Variants in ARHGEF7 observed in about 807,000 individuals in gnomAD.
The protein encoded by ARHGEF7 is PAK-interacting exchange factor beta.
ARHGEF7 carries 33 observed loss-of-function variants against 109.8 expected under a neutral mutation model. That is an observed-to-expected ratio of 0.30 (90% CI 0.23 to 0.40). ARHGEF7 has a LOEUF of 0.40. Among genes scored for constraint, ARHGEF7 ranks in the 10% least tolerant of loss-of-function variants. The pLI is 1.00. For missense variants in ARHGEF7, 938 were observed against 1,098.5 expected (o/e 0.85, Z 2.07); for synonymous variants, 458 against 424.6 (o/e 1.08, Z -0.97).
At chr13:111,289,780 A>G (rs1036972063) in intron 18 of ARHGEF7, among the ~76,000 whole-genome samples, 1 of 138,022 alleles carries the variant, frequency 7.2e-6, no homozygotes, top group Non-Finnish European at 1.6e-5. Flanking sequence ...CGGAATCTCG[A>G]TTATCCAGAA....
chr13:111,137,700 TG>T lies in ARHGEF7; in HGVS notation c.166-16204del, dbSNP rs772249280. On this transcript the variant is annotated intron_variant, in intron 1 of 21. Transcript: ENST00000646102. ...TAATTTTTTAAAATAAAAAAGAATA[TG>T]TTTTTTTTTCATACAACAGAAGAGA... Among the ~76,000 whole-genome samples the T allele has an allele frequency of 4.0e-4, 61 of 152,244 alleles. No individual in the cohort carries two copies. In the Middle Eastern group the frequency reaches 0.01, roughly 25 times the overall value.
chr13:111,116,350 C>G (rs2153302798), intron 1 of ARHGEF7: 1 of 152,852 alleles, frequency 6.5e-6, no homozygotes, highest in Non-Finnish European at 1.5e-5. Flanking sequence ...TGAACAGAAC[C>G]TTTAGTCCTG....
chr13:111,243,945 G>T lies in ARHGEF7; in HGVS notation c.833G>T (p.Arg278Leu). 1.2e-6 allele frequency: 2 copies of T among 1,612,680 alleles called. No individual in the cohort carries two copies. The highest frequency in any genetic ancestry group is 1.7e-6 in the Non-Finnish European group (2 of 1,178,964). Residue 278 changes from arginine to leucine, a missense_variant, in exon 7 of 22, where the codon CGG becomes CTG. Coordinates refer to ENST00000646102, the MANE Select transcript of ARHGEF7 (RefSeq NM_001354046.2). ...CAGACTGTGCTTTCAACGTACCTAC[G>T]GCCATTGCAGACCAGTGAGAAGTAA... ...ELQTVLSTYL[R>L]PLQTSEKLSS...
chr13:111,169,392 G>A (rs2077398515), intron 2 of ARHGEF7, among the ~76,000 whole-genome samples: 2 of 152,174 alleles, frequency 1.3e-5, no homozygotes, highest in Non-Finnish European at 2.9e-5. Context: ...TACAATCGTG[G>A]TGGAAGGCAA....
At chr13:111,142,847 A>T (rs2075411609) in intron 1 of ARHGEF7, among the ~76,000 whole-genome samples, 1 of 152,336 alleles carries the variant, frequency 6.6e-6, no homozygotes, top group Non-Finnish European at 1.5e-5. Flanking sequence ...ATGTGGATGA[A>T]AACAGTTTCT....
chr13:111,166,407 G>C (rs1594185563), intron 2 of ARHGEF7, among the ~76,000 whole-genome samples: 1 of 152,270 alleles, frequency 6.6e-6, no homozygotes, highest in East Asian at 1.9e-4. Flanking sequence ...TGTGATGTAA[G>C]TTTTAACAGG....
intron 2 of ARHGEF7, among the ~76,000 whole-genome samples, chr13:111,203,373 C>G (rs970664018): frequency 6.6e-6 from 1 of 152,196 alleles, no homozygotes; most frequent in African/African-American, 2.4e-5. Context: ...AGATGCTGCT[C>G]TCATTTGAGT....
intron 5 of ARHGEF7, among the ~76,000 whole-genome samples, chr13:111,221,699 A>T (rs72653523): frequency 1.6e-5 from 2 of 128,176 alleles, no homozygotes; most frequent in African/African-American, 5.4e-5. Context: ...ACCCCTTGAT[A>T]TATCTATCTG....
intron 5 of ARHGEF7, among the ~76,000 whole-genome samples, chr13:111,231,813 G>A (rs2086099318): frequency 2.0e-5 from 3 of 152,118 alleles, no homozygotes; most frequent in African/African-American, 7.2e-5. Context: ...GCCCAGTGAG[G>A]GGGTTCACAT....
chr13:111,236,371 T>A (rs960053037), intron 6 of ARHGEF7, among the ~76,000 whole-genome samples: 1 of 152,258 alleles, frequency 6.6e-6, no homozygotes, highest in African/African-American at 2.4e-5. Flanking sequence ...TGTGTGCGTG[T>A]GTGTGTGGTC....
At chr13:111,195,011 G>T (rs183443863) in intron 2 of ARHGEF7, among the ~76,000 whole-genome samples, 2 of 152,216 alleles carry the variant, frequency 1.3e-5, no homozygotes, top group African/African-American at 4.8e-5. Context: ...CTCCACTGAC[G>T]ATTGGGTTTT....
chr13:111,269,932 G>T (rs2092000208), intron 9 of ARHGEF7, among the ~76,000 whole-genome samples: 2 of 152,200 alleles, frequency 1.3e-5, no homozygotes, highest in Non-Finnish European at 1.5e-5. Context: ...CGGTCTTTAA[G>T]CTGCCACACC....
chr13:111,209,742 A>G (rs2082276589), intron 3 of ARHGEF7, 130 bp from the exon 4 acceptor site: 1 of 1,026,486 alleles, frequency 9.7e-7, no homozygotes, highest in Non-Finnish European at 1.4e-6. Context: ...TTCTGCATAA[A>G]TGGGCTGCTT....
chr13:111,249,945 C>A (rs2089505546), intron 8 of ARHGEF7, among the ~76,000 whole-genome samples: 2 of 152,158 alleles, frequency 1.3e-5, no homozygotes. Context: ...GAGTTTGGGT[C>A]CCAAGATTCT....
chr13:111,241,013 CTG>C, intron 6 of ARHGEF7: 1 of 794,628 alleles, frequency 1.3e-6, no homozygotes, highest in South Asian at 2.0e-5. Context: ...AATAAAGTGT[CTG>C]TGTCTGCGAG....
chr13:111,274,632 GA>G (rs1324563214), intron 10 of ARHGEF7, 98 bp from the exon 11 acceptor site: 3 of 576,182 alleles, frequency 5.2e-6, no homozygotes, highest in East Asian at 3.2e-5. Context: ...GTTAAGGGTT[GA>G]AAAGTGTTAG....
intron 19 of ARHGEF7, among the ~76,000 whole-genome samples, chr13:111,299,962 G>A (rs1369282217): frequency 6.6e-6 from 1 of 152,102 alleles, no homozygotes; most frequent in Non-Finnish European, 1.5e-5. Context: ...AATGGTACAC[G>A]TTGTACCATA....
At chr13:111,187,626 G>A (rs890348121) in intron 2 of ARHGEF7, among the ~76,000 whole-genome samples, 14 of 152,168 alleles carry the variant, frequency 9.2e-5, no homozygotes, top group Non-Finnish European at 1.8e-4. Flanking sequence ...CATATCACAC[G>A]ATCTATTTTG....
intron 2 of ARHGEF7, among the ~76,000 whole-genome samples, chr13:111,158,451 A>G (rs117765063): frequency 6.6e-6 from 1 of 152,380 alleles, no homozygotes; most frequent in East Asian, 1.9e-4. Context: ...ACCCTAATAT[A>G]TTAATAATTG....
Sources: allele counts gnomAD v4.1 joint callset (sites outside exome capture counted in the v4.1 genomes callset), GRCh38; gene constraint gnomAD v4.1.1; transcripts MANE v1.5; gene names NCBI Gene and HGNC (gene_info 2026-07-23, HGNC 2026-07-21).